The following THSD4 variants were observed in gnomAD, a reference collection of about 807,000 sequenced individuals.
THSD4 encodes the protein thrombospondin type 1 domain containing 4, also known as thrombospondin type-1 domain-containing protein 4.
A neutral mutation model predicts 119.0 loss-of-function variants in THSD4; 69 were observed. The observed-to-expected ratio is 0.58, with a 90% CI of 0.48 to 0.71. The LOEUF (loss-of-function observed/expected upper bound fraction) is 0.71, where lower values mean the gene tolerates loss of function less well. THSD4 is among the 30% of genes least tolerant of loss of function. The pLI is 0.00. For synonymous variants in THSD4, 524 were observed against 540.4 expected (o/e 0.97, Z 0.42); for missense variants, 1,393 against 1,391.1 (o/e 1.00, Z -0.02).
chr15:71,374,371 A>G lies in THSD4; in HGVS notation c.1016-37316A>G, dbSNP rs147102276. 3.5e-3 allele frequency among the ~76,000 whole-genome samples: 534 copies of G among 152,346 alleles called. 2 individuals carry two copies. Among genetic ancestry groups the G allele is most frequent in the Non-Finnish European group, 6.0e-3 (407 of 68,034 alleles). ...CTATCTTCTGGGGAGACAGAGCTGG[A>G]TAAGAGAGAGATCAGCAAGTGAGTA... On this transcript the variant is annotated intron_variant, in intron 6 of 17. Coordinates refer to ENST00000261862, the MANE Select transcript of THSD4 (RefSeq NM_024817.3).
chr15:71,377,912 A>ACCCACACAC (rs200219700), intron 6 of THSD4, among the ~76,000 whole-genome samples: 10 of 25,266 alleles, frequency 4.0e-4, no homozygotes, highest in Middle Eastern at 0.022. Context: ...ACACACACAC[A>ACCCACACAC]CAATTTCCTT....
chr15:71,456,411 A>G (rs1233686742), intron 7 of THSD4, among the ~76,000 whole-genome samples: 1 of 152,230 alleles, frequency 6.6e-6, no homozygotes, highest in African/African-American at 2.4e-5. Context: ...TGAAAAAGAA[A>G]AAAAGCATTG....
At chr15:71,465,562 A>C (rs2047487656) in intron 7 of THSD4, among the ~76,000 whole-genome samples, 1 of 152,212 alleles carries the variant, frequency 6.6e-6, no homozygotes, top group Non-Finnish European at 1.5e-5. Flanking sequence ...GAGGATCATT[A>C]TTTAAAATCT....
At chr15:71,703,913 G>A (rs1430974757) in intron 8 of THSD4, among the ~76,000 whole-genome samples, 6 of 152,114 alleles carry the variant, frequency 3.9e-5, no homozygotes, top group African/African-American at 7.2e-5. Context: ...GCAGTGGCGC[G>A]ATCTCTGCTC....
At chr15:71,486,768 A>G (rs771518537) in intron 7 of THSD4, among the ~76,000 whole-genome samples, 1 of 152,000 alleles carries the variant, frequency 6.6e-6, no homozygotes, top group Non-Finnish European at 1.5e-5. Context: ...TGGTGAGGTA[A>G]TTCTCCCACG....
chr15:71,764,887 A>T, intron 15 of THSD4, 133 bp from the exon 16 acceptor site: 1 of 1,161,784 alleles, frequency 8.6e-7, no homozygotes, highest in Non-Finnish European at 1.2e-6. Flanking sequence ...AACATTTCCA[A>T]GTTCTCCTGG....
At chr15:71,389,047 A>T (rs2046334141) in intron 6 of THSD4, among the ~76,000 whole-genome samples, 2 of 151,956 alleles carry the variant, frequency 1.3e-5, no homozygotes, top group South Asian at 4.2e-4. Context: ...CTTGCCTTTC[A>T]CCTTCCGCCA....
chr15:71,719,236 A>G (rs2052668219), intron 8 of THSD4, among the ~76,000 whole-genome samples: 1 of 152,232 alleles, frequency 6.6e-6, no homozygotes, highest in African/African-American at 2.4e-5. Flanking sequence ...CTGTGATTAG[A>G]GTGCCAAAGA....
intron 7 of THSD4, among the ~76,000 whole-genome samples, chr15:71,584,925 C>CT (rs1344378249): frequency 6.6e-6 from 1 of 152,064 alleles, no homozygotes; most frequent in Non-Finnish European, 1.5e-5. Context: ...CTATAATAGT[C>CT]TATTTTAAGC....
At chr15:71,699,216 T>TAATGTCAATTATACC (rs1234852222) in intron 8 of THSD4, among the ~76,000 whole-genome samples, 2 of 97,250 alleles carry the variant, frequency 2.1e-5, no homozygotes, top group Admixed American at 9.7e-5. Context: ...ACAGCTTTTT[T>TAATGTCAATTATACC]TTTTTTTTTT....
intron 14 of THSD4, among the ~76,000 whole-genome samples, chr15:71,757,448 G>T (rs1221876708): frequency 2.0e-5 from 2 of 102,338 alleles, no homozygotes; most frequent in African/African-American, 7.5e-5. Context: ...TATTTTTAGA[G>T]ACAGGGTCTT....
intron 3 of THSD4, among the ~76,000 whole-genome samples, chr15:71,199,891 GTATGTGTGTGTGGTGCATGTGTGGGGTGT>G (rs2043782744): frequency 1.8e-5 from 1 of 56,792 alleles, no homozygotes; most frequent in Non-Finnish European, 5.1e-5. Flanking sequence ...TGCATGTGTG[GTATGTGTGTGTGGTGCATGTGTGGGGTGT>G]GTGTGTGTGT....
intron 6 of THSD4, among the ~76,000 whole-genome samples, chr15:71,397,779 C>G (rs989022535): frequency 1.3e-5 from 2 of 152,216 alleles, no homozygotes; most frequent in Non-Finnish European, 2.9e-5. Context: ...TACTTAACCT[C>G]TCTGAGCCAA....
chr15:71,698,066 G>C (rs1342434629), intron 8 of THSD4, among the ~76,000 whole-genome samples: 2 of 152,256 alleles, frequency 1.3e-5, no homozygotes, highest in Admixed American at 1.3e-4. Context: ...TCACACTGCA[G>C]AGTCCCTCGG....
chr15:71,395,358 C>T (rs74021983), intron 6 of THSD4, among the ~76,000 whole-genome samples: 1 of 152,150 alleles, frequency 6.6e-6, no homozygotes, highest in Non-Finnish European at 1.5e-5. Context: ...GCTCCACTGC[C>T]CCCCAGGTGC....
At chr15:71,530,408 T>C (rs769164240) in intron 7 of THSD4, among the ~76,000 whole-genome samples, 4 of 152,118 alleles carry the variant, frequency 2.6e-5, no homozygotes, top group Admixed American at 6.5e-5. Context: ...AGATCAGAGA[T>C]TGAAGCAGGA....
chr15:71,671,821 C>G lies in THSD4; in HGVS notation c.1357+11087C>G, dbSNP rs1356076241. On this transcript the variant is annotated intron_variant, in intron 8 of 17. Transcript: ENST00000261862. ...ATATGTGGTGTTATTTCTGAGGGCT[C>G]TGTTCTGATCCATTGGTTTATATCT... is the stretch of plus-strand genomic sequence containing the variant. Among the ~76,000 whole-genome samples, 3 of 152,176 alleles carry G rather than the reference C, an allele frequency of 2.0e-5. No homozygotes were observed. In the East Asian group the frequency reaches 5.8e-4, roughly 29 times the overall value.
intron 6 of THSD4, among the ~76,000 whole-genome samples, chr15:71,389,985 A>G (rs1175400888): frequency 6.6e-6 from 1 of 151,606 alleles, no homozygotes; most frequent in Non-Finnish European, 1.5e-5. Flanking sequence ...TTGTATTTTT[A>G]TTAGAGACAG....
chr15:71,440,696 C>T (rs1179274459), intron 7 of THSD4, among the ~76,000 whole-genome samples: 3 of 152,096 alleles, frequency 2.0e-5, no homozygotes, highest in African/African-American at 7.2e-5. Context: ...ACTAAAATTA[C>T]ATATCTTTCT....
Sources: gnomAD v4.1 joint callset for allele counts (sites outside exome capture counted in the v4.1 genomes callset) on GRCh38, gnomAD v4.1.1 for gene constraint, MANE v1.5 for transcripts, NCBI Gene and HGNC (gene_info 2026-07-23, HGNC 2026-07-21) for gene names.